Variants in HACL1 observed in about 807,000 individuals in gnomAD.
The protein encoded by HACL1 is 1600020H07Rik.
Under a neutral mutation model 74.2 loss-of-function variants are expected in HACL1, and 64 were observed. The ratio of observed to expected loss-of-function variants is 0.86; its 90% CI spans 0.70 to 1.06. The LOEUF is 1.06. Among genes scored for constraint, HACL1 ranks in the 50% least tolerant of loss-of-function variants. The pLI, the probability that HACL1 is intolerant of heterozygous loss-of-function variation, is 0.00. For missense variants in HACL1, 728 were observed against 719.7 expected (o/e 1.01, Z -0.13); for synonymous variants, 230 against 238.8 (o/e 0.96, Z 0.34).
intron 13 of HACL1, among the ~76,000 whole-genome samples, 173 bp from the exon 14 acceptor site, chr3:15,568,175 T>C (rs370674946): frequency 3.9e-4 from 59 of 152,282 alleles, no homozygotes; most frequent in African/African-American, 1.4e-3. Context: ...TTGTCAAGGA[T>C]AGAAAAAAGC....
In HACL1 at chr3:15,573,086, A is replaced by G. The variant is rs965539822; in HGVS notation, c.993+73T>C. The G allele has an allele frequency of 1.1e-4, 93 of 842,070 alleles. 3 individuals are homozygous for G. In the South Asian group the frequency reaches 1.3e-3, roughly 11 times the overall value. The allele number at this position is 842,070 out of a possible 1,614,324, so 52.2% of individuals were successfully genotyped here. On this transcript the variant is annotated intron_variant, in intron 11 of 16. Coordinates refer to ENST00000321169, the MANE Select transcript of HACL1 (RefSeq NM_012260.4). The stretch of plus-strand genomic sequence containing the variant: ...TAGTAGACCCGTTACCAAGTGAATC[A>G]AGATTAAAACATTTTCAAGAATTGA...
chr3:15,565,428 A>G (rs192427408), intron 14 of HACL1, among the ~76,000 whole-genome samples: 1 of 152,234 alleles, frequency 6.6e-6, no homozygotes, highest in Admixed American at 6.5e-5. Context: ...AGCACACACA[A>G]TCTGCACTCA....
chr3:15,571,169 G>A (rs2063521647), intron 12 of HACL1, among the ~76,000 whole-genome samples: 1 of 151,436 alleles, frequency 6.6e-6, no homozygotes, highest in African/African-American at 2.4e-5. Context: ...GTAGAGACAA[G>A]GTCTTGCTAT....
intron 9 of HACL1, 130 bp from the exon 10 acceptor site, chr3:15,575,212 G>A (rs1343152485): frequency 7.9e-6 from 4 of 508,304 alleles, no homozygotes; most frequent in Non-Finnish European, 1.4e-5. Flanking sequence ...AGCTTCTAGG[G>A]TATATTTGAT....
At chr3:15,592,433 T>TAGACACACG (rs2063944280) in intron 3 of HACL1, among the ~76,000 whole-genome samples, 1 of 148,564 alleles carries the variant, frequency 6.7e-6, no homozygotes, top group Non-Finnish European at 1.5e-5. Context: ...CGTATGCATG[T>TAGACACACG]AGACACACGT....
intron 3 of HACL1, among the ~76,000 whole-genome samples, chr3:15,594,972 C>T (rs1158026611): frequency 2.0e-5 from 3 of 151,986 alleles, no homozygotes; most frequent in Non-Finnish European, 4.4e-5. Context: ...TACTAAAATA[C>T]AAAAATTAGC....
At chr3:15,586,419 G>A (rs367617349) in intron 6 of HACL1, 106 bp downstream of exon 6, 3 of 658,356 alleles carry the variant, frequency 4.6e-6, no homozygotes, top group South Asian at 1.8e-5. Flanking sequence ...AACTGCCTGG[G>A]TATGTTCCTA....
chr3:15,592,628 ACG>A (rs2063965898), intron 3 of HACL1, among the ~76,000 whole-genome samples: 1 of 45,988 alleles, frequency 2.2e-5, no homozygotes, highest in African/African-American at 9.1e-5. Flanking sequence ...ATACACATGT[ACG>A]CACATGTGTG....
intron 2 of HACL1, among the ~76,000 whole-genome samples, chr3:15,599,887 G>GAT (rs2064153063): frequency 6.6e-6 from 1 of 152,216 alleles, no homozygotes; most frequent in Admixed American, 6.5e-5. Context: ...ATCAGTGGCA[G>GAT]ATATGTCATC....
At chr3:15,593,183 A>T (rs1383911118) in intron 3 of HACL1, among the ~76,000 whole-genome samples, 3 of 150,142 alleles carry the variant, frequency 2.0e-5, no homozygotes, top group Non-Finnish European at 4.4e-5. Flanking sequence ...GTGTATATAT[A>T]CACACATATA....
chr3:15,591,074 G>C (rs540223662), intron 4 of HACL1, among the ~76,000 whole-genome samples: 1 of 152,000 alleles, frequency 6.6e-6, no homozygotes, highest in Non-Finnish European at 1.5e-5. Flanking sequence ...GAGAGACTCC[G>C]TCTCAAAAAA....
chr3:15,561,585 A>C (rs2063348365), intron 16 of HACL1, among the ~76,000 whole-genome samples: 1 of 152,256 alleles, frequency 6.6e-6, no homozygotes. Flanking sequence ...ACTGTAGAAC[A>C]GATCATTGGA....
At chr3:15,593,351 C>G (rs537871911) in intron 3 of HACL1, among the ~76,000 whole-genome samples, 2 of 151,846 alleles carry the variant, frequency 1.3e-5, no homozygotes, top group African/African-American at 4.8e-5. Context: ...GTAACCGGGA[C>G]TACAGGCAGA....
chr3:15,590,034 C>CA (rs535218307), intron 4 of HACL1, among the ~76,000 whole-genome samples: 147 of 147,902 alleles, frequency 9.9e-4, no homozygotes, highest in Non-Finnish European at 1.6e-3. Flanking sequence ...GACTCTGTCT[C>CA]AAAAAAAAAG....
At chr3:15,564,530 A>C in intron 15 of HACL1, 21 bp downstream of exon 15, 1 of 977,726 alleles carries the variant, frequency 1.0e-6, no homozygotes, top group Non-Finnish European at 1.6e-6. Context: ...AAGTAAACAG[A>C]CATTGGTCTT....
At chr3:15,576,506 C>G (rs555583090) in intron 9 of HACL1, among the ~76,000 whole-genome samples, 1 of 152,164 alleles carries the variant, frequency 6.6e-6, no homozygotes, top group African/African-American at 2.4e-5. Flanking sequence ...TCGTAAACAA[C>G]CACCCTTGCT....
At chr3:15,593,135 A>ATG (rs1170024823) in intron 3 of HACL1, among the ~76,000 whole-genome samples, 1 of 125,890 alleles carries the variant, frequency 7.9e-6, no homozygotes, top group Admixed American at 7.8e-5. Flanking sequence ...ATACGTATAT[A>ATG]TGTATATATA....
At chr3:15,593,163 GTATATATGTGTGTATATATACACACA>G (rs2063985235) in intron 3 of HACL1, among the ~76,000 whole-genome samples, 1 of 147,108 alleles carries the variant, frequency 6.8e-6, no homozygotes. Flanking sequence ...ACACACATAC[GTATATATGTGTGTATATATACACACA>G]TATATATGTG....
At chr3:15,577,434 A>G (rs2063646447) in intron 9 of HACL1, among the ~76,000 whole-genome samples, 1 of 152,208 alleles carries the variant, frequency 6.6e-6, no homozygotes, top group South Asian at 2.1e-4. Context: ...AAATGGCATC[A>G]AAAAAGATAT....
Sources: allele counts gnomAD v4.1 joint callset (sites outside exome capture counted in the v4.1 genomes callset), GRCh38; gene constraint gnomAD v4.1.1; transcripts MANE v1.5; gene names NCBI Gene and HGNC (gene_info 2026-07-23, HGNC 2026-07-21).